Variants in SRFBP1 observed in about 807,000 individuals in gnomAD.
SRFBP1 encodes the protein serum response factor-binding protein 1.
SRFBP1 carries 47 observed loss-of-function variants against 45.5 expected under a neutral mutation model. The ratio of observed to expected loss-of-function variants is 1.03; its 90% CI spans 0.82 to 1.32. The LOEUF is 1.32. Ranked by LOEUF, SRFBP1 falls within the 40% of genes most tolerant of loss-of-function variation. The pLI is 0.00. For missense variants in SRFBP1, 621 were observed against 484.6 expected, an observed-to-expected ratio of 1.28 and a Z score of -2.64; for synonymous variants, 203 against 166.3, an observed-to-expected ratio of 1.22 and a Z score of -1.70.
intron 3 of SRFBP1, among the ~76,000 whole-genome samples, chr5:121,981,989 C>T (rs1243723516): frequency 6.6e-6 from 1 of 151,416 alleles, no homozygotes. Context: ...CATGTTGGCA[C>T]GTTTACAGTG....
Position 121,970,596 on chromosome 5 carries a change from T to G in SRFBP1, c.37-3600T>G, listed in dbSNP as rs189825878. Among the ~76,000 whole-genome samples the G allele has an allele frequency of 5.0e-3, 763 of 151,654 alleles. 9 individuals carry two copies. Among genetic ancestry groups the G allele is most frequent in the African/African-American group, 0.017 (720 of 41,398 alleles). On this transcript the variant is annotated intron_variant, in intron 1 of 7. Coordinates refer to ENST00000339397, the MANE Select transcript of SRFBP1 (RefSeq NM_152546.3). ...GCCTTTTCATTTATGCAAAGTATGA[T>G]TTTTTTTTCTAAATGGGTCTTTGAA...
chr5:122,045,230 C>A (rs1346861476), intron 2 of SRFBP1, among the ~76,000 whole-genome samples: 4 of 152,198 alleles, frequency 2.6e-5, no homozygotes, highest in Admixed American at 2.6e-4. Flanking sequence ...GTTTTTGTAC[C>A]AGGACCATGC....
intron 2 of SRFBP1, among the ~76,000 whole-genome samples, chr5:122,054,401 G>T (rs1754041955): frequency 6.6e-6 from 1 of 152,144 alleles, no homozygotes; most frequent in African/African-American, 2.4e-5. Flanking sequence ...TGCTGTTTGT[G>T]TTCCCCTGCT....
At chr5:122,036,170 A>G (rs1310229787) in intron 2 of SRFBP1, among the ~76,000 whole-genome samples, 1 of 152,026 alleles carries the variant, frequency 6.6e-6, no homozygotes, top group Non-Finnish European at 1.5e-5. Flanking sequence ...ATTCTTTCTG[A>G]TAAGAGCATT....
intron 3 of SRFBP1, among the ~76,000 whole-genome samples, chr5:121,983,047 A>G (rs1488600725): frequency 6.6e-6 from 1 of 151,752 alleles, no homozygotes; most frequent in African/African-American, 2.4e-5. Context: ...TAAATATTAC[A>G]ACATATTTTG....
At position 122,022,367 on chromosome 5, in the gene SRFBP1, T is replaced by C. The variant is rs774343403; in HGVS notation, c.1068-3T>C. The C allele has an allele frequency of 2.2e-5, 36 of 1,609,268 alleles. 1 individual carries two copies. In the South Asian group the frequency reaches 3.8e-4, roughly 17 times the overall value. ...AGTCATAATGGTGTTTTTCTTCTTT[T>C]AGAAATTTCAAAGAACAGGCTCCAA... On this transcript the variant is annotated splice_polypyrimidine_tract_variant and splice_region_variant and intron_variant, in intron 6 of 7. Transcript: ENST00000339397.
intron 1 of SRFBP1, among the ~76,000 whole-genome samples, chr5:121,965,960 A>T (rs1173214270): frequency 6.6e-6 from 1 of 152,074 alleles, no homozygotes; most frequent in Non-Finnish European, 1.5e-5. Flanking sequence ...GTGAATCGGG[A>T]GTTCACTCAT....
chr5:121,984,346 C>T (rs192965530), intron 3 of SRFBP1, among the ~76,000 whole-genome samples: 7 of 151,906 alleles, frequency 4.6e-5, no homozygotes, highest in Non-Finnish European at 7.4e-5. Context: ...ACTTCATCTT[C>T]ATACATACAG....
chr5:122,028,129 T>G lies in SRFBP1; in HGVS notation c.*1003T>G, dbSNP rs536372632. The G allele has an allele frequency of 6.6e-6, 1 of 152,196 alleles. No individual in the cohort carries two copies. The highest frequency in any genetic ancestry group is 2.4e-5 in the African/African-American group (1 of 41,448). 9.4% of individuals were successfully genotyped at this position (152,196 alleles called of 1,614,324 possible). On this transcript the variant is annotated 3_prime_UTR_variant, in exon 8 of 8. Coordinates refer to ENST00000339397, the MANE Select transcript of SRFBP1 (RefSeq NM_152546.3). ...TGCTATTTAAAAGGAAAACAGAAATTTTTAAATCCCTTCAAATGTTTCACT... is the reference window on the plus strand; with the variant it reads ...TGCTATTTAAAAGGAAAACAGAAATGTTTAAATCCCTTCAAATGTTTCACT...
Position 122,038,830 on chromosome 5 carries a change from A to G in SRFBP1, n.311+16423A>G, listed in dbSNP as rs576600682. Among the ~76,000 whole-genome samples, 14 of 152,304 alleles carry G rather than the reference A, an allele frequency of 9.2e-5. No individual in the cohort carries two copies. In the South Asian group the frequency reaches 2.7e-3, roughly 29 times the overall value. On this transcript the variant is annotated intron_variant and non_coding_transcript_variant, in intron 2 of 2. Transcript: ENST00000504881. ...AGTAATTGCAAGACTGGACTCCATC[A>G]GCCTTTGAATGTTCTATCATTAAAC...
intron 4 of SRFBP1, among the ~76,000 whole-genome samples, chr5:122,012,063 G>A (rs1481790732): frequency 6.6e-6 from 1 of 152,092 alleles, no homozygotes; most frequent in African/African-American, 2.4e-5. Context: ...AACTTGTTGA[G>A]AATACTAGAC....
At chr5:122,016,122 A>G (rs1401187334) in intron 4 of SRFBP1, among the ~76,000 whole-genome samples, 2 of 152,124 alleles carry the variant, frequency 1.3e-5, no homozygotes, top group African/African-American at 4.8e-5. Flanking sequence ...CTGTAGTGTA[A>G]CACCAAACTC....
chr5:122,037,966 C>T (rs1753718787), intron 2 of SRFBP1, among the ~76,000 whole-genome samples: 1 of 152,156 alleles, frequency 6.6e-6, no homozygotes, highest in Non-Finnish European at 1.5e-5. Flanking sequence ...TTAGGAATTG[C>T]TTAATCCTTA....
At chr5:121,978,330 C>T (rs1331049514) in intron 3 of SRFBP1, among the ~76,000 whole-genome samples, 2 of 152,072 alleles carry the variant, frequency 1.3e-5, no homozygotes, top group African/African-American at 2.4e-5. Flanking sequence ...AAGTTGAGAA[C>T]ATCCTATGAT....
chr5:122,002,099 G>T (rs1423445018), intron 4 of SRFBP1, among the ~76,000 whole-genome samples: 1 of 152,102 alleles, frequency 6.6e-6, no homozygotes, highest in Non-Finnish European at 1.5e-5. Context: ...AAGTATGTTA[G>T]ATACAATCAC....
At chr5:121,975,442 T>C (rs892013227) in intron 3 of SRFBP1, 55 bp downstream of exon 3, 2 of 1,593,758 alleles carry the variant, frequency 1.3e-6, no homozygotes, top group African/African-American at 2.7e-5. Flanking sequence ...CCTGTTATCC[T>C]GCATTTTGTT....
At chr5:122,032,230 A>T (rs1311333428), downstream of SRFBP1, among the ~76,000 whole-genome samples, 14 of 151,148 alleles carry the variant, frequency 9.3e-5, no homozygotes, top group South Asian at 2.7e-3. Flanking sequence ...TTCTGACAGT[A>T]TTTTATTTTA....
At chr5:122,077,913 C>G, downstream of SRFBP1, 4 of 1,513,308 alleles carry the variant, frequency 2.6e-6, no homozygotes, top group Non-Finnish European at 3.5e-6. This position sits in a 1 kb window ranked among gnomAD's most constrained non-coding sequence, Gnocchi z 4.9. Context: ...TGGCCGGCGG[C>G]GGGAGGGGCG....
Position 121,981,136 on chromosome 5 carries a change from G to T in SRFBP1, c.198+5749G>T, listed in dbSNP as rs189387339. On this transcript the variant is annotated intron_variant, in intron 3 of 7. Coordinates refer to ENST00000339397, the MANE Select transcript of SRFBP1 (RefSeq NM_152546.3). Reference sequence around the variant, plus strand: ...GGTAGTATGTCCAGGTGTTATGCTTGTTTTCAGGGTTGGGGAGATGGGGAT... The same window carrying T: ...GGTAGTATGTCCAGGTGTTATGCTTTTTTTCAGGGTTGGGGAGATGGGGAT... 1.5e-3 allele frequency among the ~76,000 whole-genome samples: 232 copies of T among 152,064 alleles called. 2 individuals carry two copies. The highest frequency in any genetic ancestry group is 6.3e-4 in the Non-Finnish European group (43 of 67,932).
Sources: allele counts gnomAD v4.1 joint callset (sites outside exome capture counted in the v4.1 genomes callset), GRCh38; gene constraint gnomAD v4.1.1; non-coding constraint Gnocchi (gnomAD v3.1); transcripts MANE v1.5; gene names NCBI Gene and HGNC (gene_info 2026-07-23, HGNC 2026-07-21).